HMGB1: variants seen among roughly 807,000 people sequenced by gnomAD.
HMGB1 encodes high mobility group box 1, also known as high mobility group protein B1.
For synonymous variants in HMGB1, 81 were observed against 84.0 expected, an observed-to-expected ratio of 0.96 and a Z score of 0.19; for missense variants, 79 against 253.5, an observed-to-expected ratio of 0.31 and a Z score of 4.67.
At position 30,592,788 on chromosome 13, in the gene HMGB1, A is replaced by G. The variant is rs145071607; in HGVS notation, c.-15+23883T>C. Among the ~76,000 whole-genome samples the G allele has an allele frequency of 3.4e-3, 516 of 152,184 alleles. 1 individual carries two copies. Among genetic ancestry groups the G allele is most frequent in the African/African-American group, 0.011 (456 of 41,522 alleles). Reference sequence around the variant, plus strand: ...TCTTCAAACTTAAAAAACATTTTCCATTTTAAAATAATTTTACTATTTACC... The same window carrying G: ...TCTTCAAACTTAAAAAACATTTTCCGTTTTAAAATAATTTTACTATTTACC... On this transcript the variant is annotated intron_variant, in intron 1 of 4. Transcript: ENST00000405805.
intron 1 of HMGB1, among the ~76,000 whole-genome samples, chr13:30,477,157 G>A (rs536979091): frequency 2.3e-4 from 35 of 152,126 alleles, no homozygotes; most frequent in Admixed American, 4.6e-4. Flanking sequence ...ACTGACATAC[G>A]TTTGAAATGC....
intron 4 of HMGB1, 52 bp from the exon 5 acceptor site, chr13:30,461,585 A>G (rs756850669): frequency 3.2e-6 from 5 of 1,569,024 alleles, no homozygotes; most frequent in Non-Finnish European, 3.5e-6. Context: ...AACATTAAGG[A>G]AAGAAATAGA....
At chr13:30,546,107 T>A (rs575652923) in intron 1 of HMGB1, among the ~76,000 whole-genome samples, 1 of 152,228 alleles carries the variant, frequency 6.6e-6, no homozygotes, top group Non-Finnish European at 1.5e-5. Context: ...TGCTGGAGAC[T>A]AAACCTCACG....
chr13:30,538,535 T>C (rs1868607905), intron 1 of HMGB1, among the ~76,000 whole-genome samples: 1 of 136,144 alleles, frequency 7.3e-6, no homozygotes, highest in East Asian at 2.0e-4. Context: ...TTTCTTTCTT[T>C]CCTTTCTTTC....
At chr13:30,583,816 ACT>A (rs1871016250) in intron 1 of HMGB1, among the ~76,000 whole-genome samples, 1 of 135,232 alleles carries the variant, frequency 7.4e-6, no homozygotes, top group Admixed American at 8.1e-5. Context: ...AGCGAGCGAG[ACT>A]CTGTCTCAAA....
intron 1 of HMGB1, among the ~76,000 whole-genome samples, chr13:30,581,775 A>T (rs1165086237): frequency 6.6e-6 from 1 of 152,164 alleles, no homozygotes; most frequent in Non-Finnish European, 1.5e-5. Flanking sequence ...CTGCAGGAAA[A>T]GTTTTGAGTC....
At chr13:30,486,419 G>C in intron 1 of HMGB1, among the ~76,000 whole-genome samples, 1 of 152,192 alleles carries the variant, frequency 6.6e-6, no homozygotes, top group Middle Eastern at 3.2e-3. Flanking sequence ...CTCTGGGGGA[G>C]AGGAGACAGC....
At chr13:30,530,521 CT>C (rs1051375091) in intron 1 of HMGB1, among the ~76,000 whole-genome samples, 33 of 152,162 alleles carry the variant, frequency 2.2e-4, no homozygotes, top group Non-Finnish European at 1.6e-4. Context: ...ACTAGTTCCC[CT>C]GTAGGAATTT....
At chr13:30,500,443 C>T (rs922387175) in intron 1 of HMGB1, among the ~76,000 whole-genome samples, 1 of 151,960 alleles carries the variant, frequency 6.6e-6, no homozygotes, top group Non-Finnish European at 1.5e-5. Flanking sequence ...AATCATGGCT[C>T]ACCTCAGCCC....
Position 30,488,562 on chromosome 13 carries a change from T to C in HMGB1, c.-14-24868A>G, listed in dbSNP as rs143347419. ...GCAGTGGCCCAAACCCAGCTCACTG[T>C]AGTCTTGCCCTCCCAGGCTCAAGCG... On this transcript the variant is annotated intron_variant, in intron 1 of 4. Coordinates refer to the HMGB1 transcript ENST00000405805. Among the ~76,000 whole-genome samples, 1,384 of 151,808 alleles carry C rather than the reference T, an allele frequency of 9.1e-3. 7 individuals carry two copies. The highest frequency in any genetic ancestry group is 0.031 in the Middle Eastern group (9 of 292).
chr13:30,567,111 A>G (rs963352678), intron 1 of HMGB1, among the ~76,000 whole-genome samples: 1 of 152,218 alleles, frequency 6.6e-6, no homozygotes, highest in East Asian at 1.9e-4. Context: ...AAACTATTTT[A>G]GGCACAGTTA....
At chr13:30,484,200 T>C (rs113710897) in intron 1 of HMGB1, among the ~76,000 whole-genome samples, 338 of 152,280 alleles carry the variant, frequency 2.2e-3, no homozygotes, top group African/African-American at 7.8e-3. Flanking sequence ...TCCTTGGCAA[T>C]GTCTCCAGGG....
intron 1 of HMGB1, among the ~76,000 whole-genome samples, chr13:30,607,603 T>C (rs961066377): frequency 3.9e-5 from 6 of 152,228 alleles, no homozygotes; most frequent in South Asian, 4.1e-4. Flanking sequence ...AGTGTGAAAA[T>C]AGACTAATAC....
intron 1 of HMGB1, among the ~76,000 whole-genome samples, chr13:30,600,053 C>T (rs1021903314): frequency 3.9e-5 from 6 of 152,268 alleles, no homozygotes; most frequent in African/African-American, 1.2e-4. Flanking sequence ...GTAAGTTACT[C>T]GATACCTTGC....
chr13:30,582,209 C>G (rs763720229), intron 1 of HMGB1, among the ~76,000 whole-genome samples: 1 of 152,146 alleles, frequency 6.6e-6, no homozygotes, highest in Non-Finnish European at 1.5e-5. Flanking sequence ...ACCATGGCCT[C>G]CATACTTTAT....
At chr13:30,487,237 T>C (rs890334440) in intron 1 of HMGB1, among the ~76,000 whole-genome samples, 1 of 152,204 alleles carries the variant, frequency 6.6e-6, no homozygotes. Context: ...TAACCACCTA[T>C]ACTCTTCAGA....
chr13:30,463,295 G>A lies in HMGB1; in HGVS notation c.208C>T (p.Arg70Cys), dbSNP rs1440908157. The A allele has an allele frequency of 6.2e-7, 1 of 1,609,334 alleles. No individual in the cohort carries two copies. Among genetic ancestry groups the A allele is most frequent in the Non-Finnish European group, 8.5e-7 (1 of 1,179,010 alleles). Reference protein sequence around the residue: ...FEDMAKADKARYEREMKTYIP... With the variant: ...FEDMAKADKACYEREMKTYIP... ...TAGGTTTTCATTTCTCTTTCATAACGGGCCTTGTCCGCTTTTGCCATATCT... is the reference window on the plus strand; with the variant it reads ...TAGGTTTTCATTTCTCTTTCATAACAGGCCTTGTCCGCTTTTGCCATATCT... Residue 70 changes from arginine (R) to cysteine (C), a missense_variant, in exon 3 of 5, where the codon CGT becomes TGT. Transcript: ENST00000341423.
At chr13:30,537,700 A>G (rs117281533) in intron 1 of HMGB1, among the ~76,000 whole-genome samples, 8,163 of 106,852 alleles carry the variant, frequency 0.076, 384 homozygotes, top group Middle Eastern at 0.21. Context: ...TATATATAAA[A>G]TTGATGTATC....
upstream of HMGB1, among the ~76,000 whole-genome samples, chr13:30,466,987 C>A (rs116255057): frequency 3.9e-5 from 6 of 152,282 alleles, no homozygotes; most frequent in African/African-American, 1.2e-4. Context: ...TATGGTTACC[C>A]GAAGGATTAG....
Sources: gnomAD v4.1 joint callset for allele counts (sites outside exome capture counted in the v4.1 genomes callset) on GRCh38, gnomAD v4.1.1 for gene constraint, MANE v1.5 for transcripts, NCBI Gene and HGNC (gene_info 2026-07-23, HGNC 2026-07-21) for gene names.